Variants in ISM1 observed in about 807,000 individuals in gnomAD.
ISM1 encodes the protein isthmin-1.
In ISM1, 25 loss-of-function variants were observed where a neutral mutation model predicts 46.3. The ratio of observed to expected loss-of-function variants is 0.54; its 90% CI spans 0.39 to 0.75. The LOEUF (loss-of-function observed/expected upper bound fraction) is 0.75. Among genes scored for constraint, ISM1 ranks in the 30% least tolerant of loss-of-function variants. ISM1 has a pLI of 0.00. For synonymous variants in ISM1, 255 were observed against 256.7 expected (o/e 0.99, Z 0.06); for missense variants, 536 against 625.4 (o/e 0.86, Z 1.52).
the ISM1 span, among the ~76,000 whole-genome samples, chr20:13,312,352 G>A: frequency 5.9e-5 from 9 of 152,146 alleles, no homozygotes; most frequent in African/African-American, 1.9e-4. Flanking sequence ...TGGAAATGTC[G>A]TGGGTGAGAC....
intron 3 of ISM1, among the ~76,000 whole-genome samples, chr20:13,280,393 C>G (rs928129327): frequency 2.9e-4 from 8 of 27,886 alleles, no homozygotes; most frequent in South Asian, 2.4e-3. Context: ...TCAAAGTAAC[C>G]CCCCCCCCCC....
At chr20:13,310,897 C>CA in the ISM1 span, among the ~76,000 whole-genome samples, 2 of 152,078 alleles carry the variant, frequency 1.3e-5, no homozygotes, top group African/African-American at 2.4e-5. Context: ...AGATGTTTAT[C>CA]AAAAAATATA....
chr20:13,251,008 T>A (rs1050404842), intron 1 of ISM1, among the ~76,000 whole-genome samples: 6 of 152,236 alleles, frequency 3.9e-5, no homozygotes, highest in Non-Finnish European at 2.9e-5. Context: ...CCTGGAAATT[T>A]TATAACTTAT....
At chr20:13,324,439 G>A in the ISM1 span, among the ~76,000 whole-genome samples, 5 of 152,192 alleles carry the variant, frequency 3.3e-5, no homozygotes, top group Non-Finnish European at 5.9e-5. Flanking sequence ...ATGCAGAAAA[G>A]AGGATCTTGT....
intron 4 of ISM1, among the ~76,000 whole-genome samples, chr20:13,288,925 C>T (rs2040323387): frequency 6.6e-6 from 1 of 152,134 alleles, no homozygotes; most frequent in South Asian, 2.1e-4. Flanking sequence ...GCTGGGATTA[C>T]AGGCACATGC....
At chr20:13,324,440 A>T in the ISM1 span, among the ~76,000 whole-genome samples, 1 of 152,220 alleles carries the variant, frequency 6.6e-6, no homozygotes, top group Non-Finnish European at 1.5e-5. Flanking sequence ...TGCAGAAAAG[A>T]GGATCTTGTC....
the ISM1 span, among the ~76,000 whole-genome samples, chr20:13,321,103 G>A: frequency 6.6e-6 from 1 of 151,806 alleles, no homozygotes; most frequent in Admixed American, 6.6e-5. Context: ...GGAGGCTGAG[G>A]CATGAGAATC....
the ISM1 span, among the ~76,000 whole-genome samples, chr20:13,311,537 G>A: frequency 1.3e-5 from 2 of 152,176 alleles, no homozygotes; most frequent in African/African-American, 2.4e-5. Context: ...ATCAACATAA[G>A]TGTTCATATA....
chr20:13,271,915 A>G lies in ISM1; in HGVS notation c.378+1172A>G, dbSNP rs960538221. On this transcript the variant is annotated intron_variant, in intron 2 of 5. Transcript: ENST00000262487. ...CACCTCAGCCTCCCGAGTAGCTGGA[A>G]CTTCAAGTGTGTGCCCCCACATCCA... Among the ~76,000 whole-genome samples the G allele has an allele frequency of 2.6e-4, 39 of 152,142 alleles. 1 individual carries two copies. The highest frequency in any genetic ancestry group is 2.1e-3 in the East Asian group (11 of 5,190).
intron 3 of ISM1, among the ~76,000 whole-genome samples, chr20:13,287,911 G>A (rs1447378563): frequency 6.6e-6 from 1 of 152,202 alleles, no homozygotes; most frequent in Non-Finnish European, 1.5e-5. Flanking sequence ...CCACTGGGTA[G>A]GTACTCTGCT....
chr20:13,257,532 T>G (rs2039941823), intron 1 of ISM1, among the ~76,000 whole-genome samples: 1 of 152,160 alleles, frequency 6.6e-6, no homozygotes, highest in Admixed American at 6.5e-5. Flanking sequence ...GTTTACATAG[T>G]GTACTATGTG....
intron 1 of ISM1, among the ~76,000 whole-genome samples, chr20:13,248,882 G>A (rs1245362079): frequency 6.6e-6 from 1 of 152,208 alleles, no homozygotes; most frequent in Non-Finnish European, 1.5e-5. Flanking sequence ...GGGACAAATG[G>A]AAAGCAAGGT....
the ISM1 span, among the ~76,000 whole-genome samples, chr20:13,319,495 A>G: frequency 4.6e-5 from 7 of 152,308 alleles, no homozygotes; most frequent in South Asian, 1.2e-3. Context: ...TCACTCGGAG[A>G]GTGAGAGAAG....
intron 1 of ISM1, among the ~76,000 whole-genome samples, chr20:13,259,293 A>AG (rs1568674367): frequency 1.3e-5 from 2 of 151,438 alleles, no homozygotes; most frequent in South Asian, 2.1e-4. Context: ...AAAAAAAAAA[A>AG]CAAAAACAAA....
chr20:13,226,806 T>C (rs1043160693), intron 1 of ISM1, among the ~76,000 whole-genome samples: 8 of 152,212 alleles, frequency 5.3e-5, no homozygotes, highest in Admixed American at 4.6e-4. Flanking sequence ...TTTGCACAAC[T>C]TCATTTCAGC....
intron 1 of ISM1, among the ~76,000 whole-genome samples, chr20:13,254,732 G>C (rs550644450): frequency 6.6e-6 from 1 of 152,324 alleles, no homozygotes; most frequent in Admixed American, 6.5e-5. Context: ...ACACAGGTAA[G>C]GGCCAACACA....
the ISM1 span, among the ~76,000 whole-genome samples, chr20:13,306,056 A>G: frequency 6.7e-6 from 1 of 150,204 alleles, no homozygotes; most frequent in Middle Eastern, 3.5e-3. Flanking sequence ...GCCCTTATAG[A>G]TATTCACGAT....
chr20:13,312,086 C>CAT, the ISM1 span, among the ~76,000 whole-genome samples: 16 of 152,152 alleles, frequency 1.1e-4, no homozygotes, highest in South Asian at 2.1e-4. Flanking sequence ...TTTAAAAGAA[C>CAT]ATATATATAT....
At chr20:13,265,983 G>A (rs896204693) in intron 1 of ISM1, among the ~76,000 whole-genome samples, 4 of 152,116 alleles carry the variant, frequency 2.6e-5, no homozygotes, top group Non-Finnish European at 4.4e-5. Flanking sequence ...CTCATTTCAC[G>A]TCAAGCCTTG....
Sources: gnomAD v4.1 joint callset for allele counts (sites outside exome capture counted in the v4.1 genomes callset) on GRCh38, gnomAD v4.1.1 for gene constraint, MANE v1.5 for transcripts, NCBI Gene and HGNC (gene_info 2026-07-23, HGNC 2026-07-21) for gene names.